HIVEP3: variants seen among roughly 807,000 people sequenced by gnomAD.
HIVEP3 encodes transcription factor HIVEP3.
In HIVEP3, 49 loss-of-function variants were observed where a neutral mutation model predicts 152.8. The observed-to-expected ratio is 0.32, with a 90% CI of 0.26 to 0.41. The LOEUF is 0.41. Among genes scored for constraint, HIVEP3 ranks in the 10% least tolerant of loss-of-function variants. HIVEP3 has a pLI of 1.00. For synonymous variants in HIVEP3, 1,269 were observed against 1,289.0 expected (o/e 0.98, Z 0.33); for missense variants, 2,790 against 3,103.3 (o/e 0.90, Z 2.40).
intron 1 of HIVEP3, chr1:42,035,706 T>G (rs544416149): frequency 1.3e-5 from 2 of 151,656 alleles, no homozygotes; most frequent in East Asian, 3.9e-4. Context: ...CCGGGCGCAG[T>G]CGGGAGCTGC....
intron 2 of HIVEP3, among the ~76,000 whole-genome samples, chr1:41,666,719 T>C (rs745455098): frequency 2.0e-5 from 3 of 152,146 alleles, no homozygotes; most frequent in Non-Finnish European, 1.5e-5. Context: ...GCCTTCTCCC[T>C]GGCACCGTGC....
chr1:41,850,901 C>T (rs1004522745), intron 1 of HIVEP3, among the ~76,000 whole-genome samples: 1 of 152,130 alleles, frequency 6.6e-6, no homozygotes, highest in African/African-American at 2.4e-5. Flanking sequence ...TCAACTTGGA[C>T]CTGTGCTGGT....
intron 2 of HIVEP3, among the ~76,000 whole-genome samples, chr1:41,680,492 T>C (rs1646022223): frequency 6.6e-6 from 1 of 152,192 alleles, no homozygotes; most frequent in African/African-American, 2.4e-5. Context: ...TCCAAGGCCA[T>C]AGTCCCACTT....
chr1:41,863,635 A>T (rs1031881633), intron 1 of HIVEP3, among the ~76,000 whole-genome samples: 24 of 152,330 alleles, frequency 1.6e-4, no homozygotes, highest in African/African-American at 5.3e-4. Context: ...TCTCCAGCGG[A>T]GGTGCGGGCA....
At chr1:41,648,314 T>C (rs1179928983) in intron 2 of HIVEP3, among the ~76,000 whole-genome samples, 1 of 152,058 alleles carries the variant, frequency 6.6e-6, no homozygotes, top group African/African-American at 2.4e-5. Context: ...AGCAAAGTAT[T>C]AAACGAGCAT....
intron 1 of HIVEP3, among the ~76,000 whole-genome samples, chr1:41,929,673 C>G (rs1002917229): frequency 8.3e-5 from 12 of 144,968 alleles, no homozygotes; most frequent in Admixed American, 1.4e-4. Flanking sequence ...TGAATACACA[C>G]CTATATTTCC....
rs1279211403 is a variant in HIVEP3, at chr1:41,508,848, T to C, written c.*1603A>G. ...AGAGAGGTCCCTGCTCTGTATAGGG[T>C]GGCATCAAACCCAGCCTTCACGGGC... On this transcript the variant is annotated 3_prime_UTR_variant, in exon 9 of 9. Transcript: ENST00000372583. 1 of 152,172 alleles carries C rather than the reference T, an allele frequency of 6.6e-6. No homozygotes were observed. The highest frequency in any genetic ancestry group is 1.5e-5 in the Non-Finnish European group (1 of 68,054). The allele number at this position is 152,172 out of a possible 1,614,324, so 9.4% of individuals were successfully genotyped here. A position where few individuals can be genotyped will look rare whatever the true frequency, so the allele number is the denominator to read the frequency against.
At chr1:41,929,310 T>G (rs1644983864) in intron 1 of HIVEP3, among the ~76,000 whole-genome samples, 1 of 152,208 alleles carries the variant, frequency 6.6e-6, no homozygotes, top group Admixed American at 6.5e-5. Context: ...TATAACCCAA[T>G]ATATCCTTAC....
chr1:41,660,814 G>A (rs896766383), intron 2 of HIVEP3, among the ~76,000 whole-genome samples: 1 of 152,198 alleles, frequency 6.6e-6, no homozygotes, highest in Non-Finnish European at 1.5e-5. Flanking sequence ...GGCCAAAAGG[G>A]TAATAGAGAG....
intron 1 of HIVEP3, among the ~76,000 whole-genome samples, chr1:42,010,386 C>T (rs1372346827): frequency 6.6e-6 from 1 of 152,098 alleles, no homozygotes; most frequent in Non-Finnish European, 1.5e-5. Context: ...TGCTGAAGGA[C>T]TGTAGATTAG....
intron 1 of HIVEP3, among the ~76,000 whole-genome samples, chr1:41,951,499 A>T (rs904288109): frequency 6.6e-6 from 1 of 152,242 alleles, no homozygotes; most frequent in Non-Finnish European, 1.5e-5. Context: ...ATGAGAGAAC[A>T]GTGTTCATTT....
rs992474491 is a variant in HIVEP3, at chr1:41,758,783, T to C, written c.-800-57788A>G. ...GGATATGGGAACTAGCAGTGATTGA[T>C]TTGTAAGATTTTCTCTGAAGCACTC... On this transcript the variant is annotated intron_variant, in intron 1 of 8. Transcript: ENST00000372583. 2.0e-5 allele frequency among the ~76,000 whole-genome samples: 3 copies of C among 152,190 alleles called. 1 individual carries two copies. The highest frequency in any genetic ancestry group is 4.4e-5 in the Non-Finnish European group (3 of 68,024).
intron 2 of HIVEP3, among the ~76,000 whole-genome samples, chr1:41,697,815 T>G (rs550530769): frequency 6.6e-6 from 1 of 152,320 alleles, no homozygotes; most frequent in African/African-American, 2.4e-5. Context: ...GGTGAACACA[T>G]TTTAATTGAG....
At chr1:41,746,558 G>A (rs1383767588) in intron 1 of HIVEP3, among the ~76,000 whole-genome samples, 1 of 152,206 alleles carries the variant, frequency 6.6e-6, no homozygotes, top group Non-Finnish European at 1.5e-5. Flanking sequence ...TATGCATGGG[G>A]ATGGCAGGTC....
At chr1:41,739,310 T>TG (rs2124202502) in intron 1 of HIVEP3, among the ~76,000 whole-genome samples, 1 of 151,998 alleles carries the variant, frequency 6.6e-6, no homozygotes, top group South Asian at 2.1e-4. Flanking sequence ...TACTTGGAGC[T>TG]GGGGGGCATT....
intron 1 of HIVEP3, among the ~76,000 whole-genome samples, chr1:41,996,923 A>G (rs1645398975): frequency 6.6e-6 from 1 of 152,124 alleles, no homozygotes; most frequent in African/African-American, 2.4e-5. Context: ...AGCATAGCAC[A>G]TCTTCGAATC....
intron 1 of HIVEP3, among the ~76,000 whole-genome samples, chr1:42,018,976 A>G (rs1645538794): frequency 6.6e-6 from 1 of 152,066 alleles, no homozygotes; most frequent in Non-Finnish European, 1.5e-5. Context: ...GATGTGTGCT[A>G]CACATGTTAA....
chr1:41,919,314 C>T (rs922245862), upstream of HIVEP3, among the ~76,000 whole-genome samples: 8 of 152,186 alleles, frequency 5.3e-5, no homozygotes, highest in African/African-American at 1.9e-4. Flanking sequence ...TGTCACACCT[C>T]ACCAGCCTCT....
At chr1:41,898,102 T>C (rs1221176592) in intron 1 of HIVEP3, among the ~76,000 whole-genome samples, 1 of 151,958 alleles carries the variant, frequency 6.6e-6, no homozygotes, top group South Asian at 2.1e-4. Flanking sequence ...AATAAAGGAG[T>C]TGTTTAACCT....
Sources: allele counts gnomAD v4.1 joint callset (sites outside exome capture counted in the v4.1 genomes callset), GRCh38; gene constraint gnomAD v4.1.1; transcripts MANE v1.5; gene names NCBI Gene and HGNC (gene_info 2026-07-23, HGNC 2026-07-21).